PIK3CA: variants seen among roughly 807,000 people sequenced by gnomAD.
The protein encoded by PIK3CA is phosphatidylinositol-4,5-bisphosphate 3-kinase catalytic subunit alpha.
Under a neutral mutation model 138.2 loss-of-function variants are expected in PIK3CA, and 27 were observed. That is an observed-to-expected ratio of 0.20 (90% CI 0.14 to 0.27). The LOEUF is 0.27. Ranked by LOEUF, PIK3CA falls within the 10% of genes least tolerant of loss-of-function variation. The probability of loss-of-function intolerance (pLI) is 1.00; values close to 1 mark genes in which losing one functional copy is unlikely to be tolerated. For missense variants in PIK3CA, 544 were observed against 1,277.4 expected, an observed-to-expected ratio of 0.43 and a Z score of 8.75; for synonymous variants, 358 against 413.2, an observed-to-expected ratio of 0.87 and a Z score of 1.62.
intron 1 of PIK3CA, among the ~76,000 whole-genome samples, chr3:179,181,383 G>A (rs754854455): frequency 4.6e-5 from 7 of 151,706 alleles, no homozygotes; most frequent in Non-Finnish European, 1.0e-4. Flanking sequence ...TCATAAATAC[G>A]GCACTGTTAT....
At chr3:179,183,119 C>G (rs1723889982) in intron 1 of PIK3CA, among the ~76,000 whole-genome samples, 2 of 152,144 alleles carry the variant, frequency 1.3e-5, no homozygotes, top group Non-Finnish European at 2.9e-5. Context: ...TGAAATAGCC[C>G]TTTTGCCAGA....
chr3:179,211,973 A>G (rs930285487), intron 9 of PIK3CA, among the ~76,000 whole-genome samples: 1 of 152,106 alleles, frequency 6.6e-6, no homozygotes, highest in African/African-American at 2.4e-5. Flanking sequence ...TTTCAGACAG[A>G]CAACTAATCT....
At chr3:179,189,057 CA>C (rs146652911) in intron 1 of PIK3CA, among the ~76,000 whole-genome samples, 19,081 of 151,742 alleles carry the variant, frequency 0.13, 1,226 homozygotes, top group African/African-American at 0.14. Flanking sequence ...ACTAAAAATA[CA>C]AAAAAGTTAG....
intron 1 of PIK3CA, among the ~76,000 whole-genome samples, chr3:179,187,019 G>A (rs1723999066): frequency 6.6e-6 from 1 of 151,196 alleles, no homozygotes; most frequent in African/African-American, 2.4e-5. Context: ...CTATTTTTTA[G>A]TCATTTTATA....
chr3:179,200,148 A>G (rs2108388353), intron 3 of PIK3CA, among the ~76,000 whole-genome samples: 1 of 152,204 alleles, frequency 6.6e-6, no homozygotes, highest in South Asian at 2.1e-4. Context: ...CGGAAGAAGT[A>G]TGAGTTTGAA....
chr3:179,154,415 A>G (rs1723083545), intron 1 of PIK3CA, among the ~76,000 whole-genome samples: 1 of 148,890 alleles, frequency 6.7e-6, no homozygotes, highest in Admixed American at 6.7e-5. Flanking sequence ...CCTAATGAGA[A>G]TCTAATGCCT....
intron 9 of PIK3CA, among the ~76,000 whole-genome samples, chr3:179,211,452 C>T (rs1050523266): frequency 6.6e-5 from 10 of 152,140 alleles, no homozygotes; most frequent in African/African-American, 9.7e-5. Context: ...GGGTGAATCA[C>T]CTGAGGTCAG....
chr3:179,201,609 ATTTTT>A, intron 4 of PIK3CA, 69 bp downstream of exon 4: 6 of 762,264 alleles, frequency 7.9e-6, no homozygotes, highest in Non-Finnish European at 1.2e-5. Flanking sequence ...GAGTATCTGT[ATTTTT>A]TTTTTTTTTT....
rs1160930188 is a variant in PIK3CA, at chr3:179,234,151, C to T, written c.2994C>T (p.Phe998=). The change falls in exon 21 of 21, where the codon TTC becomes TTT. Residue 998 remains phenylalanine, a synonymous_variant. Transcript: ENST00000263967. This position sits in a 1 kb window ranked among gnomAD's most constrained non-coding sequence, Gnocchi z 5.1. The part of the protein sequence containing the change: ...YLAIRQHANL[F]INLFSMMLGS... Reference sequence around the variant, plus strand: ...CTATTCGACAGCATGCCAATCTCTTCATAAATCTTTTCTCAATGATGCTTG... The same window carrying T: ...CTATTCGACAGCATGCCAATCTCTTTATAAATCTTTTCTCAATGATGCTTG... The T allele has an allele frequency of 6.2e-7, 1 of 1,612,994 alleles. No homozygotes were observed. The highest frequency in any genetic ancestry group is 2.2e-5 in the East Asian group (1 of 44,848).
At position 179,230,429 on chromosome 3, in the gene PIK3CA, G is replaced by T; in HGVS notation, c.2936+53G>T. 7.1e-7 allele frequency: 1 copy of T among 1,411,296 alleles called. No homozygotes were observed. Among genetic ancestry groups the T allele is most frequent in the East Asian group, 2.3e-5 (1 of 43,530 alleles). 87.4% of individuals were successfully genotyped at this position (1,411,296 alleles called of 1,614,324 possible). A position where few individuals can be genotyped will look rare whatever the true frequency, so the allele number is the denominator to read the frequency against. On this transcript the variant is annotated intron_variant, in intron 20 of 20. Coordinates refer to ENST00000263967, the MANE Select transcript of PIK3CA (RefSeq NM_006218.4). The surrounding 1 kb of genome is among the most constrained non-coding windows in gnomAD (Gnocchi z 5.4). ...ATAAAGAGTTCTGGCTGCTCTATTA[G>T]AAACAATCAATATTTTTCAAGCAAT...
At chr3:179,224,612 C>A in intron 15 of PIK3CA, 88 bp from the exon 16 acceptor site, 1 of 808,394 alleles carries the variant, frequency 1.2e-6, no homozygotes, top group Non-Finnish European at 1.8e-6. Flanking sequence ...CTTCAAAAAG[C>A]TATATTGTAT....
Position 179,199,856 on chromosome 3 carries a change from T to C in PIK3CA, c.519T>C (p.Ser173=), listed in dbSNP as rs1576932506. The change falls in exon 3 of 21, where the codon TCT becomes TCC. Residue 173 remains serine, a synonymous_variant. Coordinates refer to ENST00000263967, the MANE Select transcript of PIK3CA (RefSeq NM_006218.4). The part of the protein sequence containing the change: ...AMYVYPPNVE[S]SPELPKHIYN... ...ATGTCTATCCTCCAAATGTAGAATC[T>C]TCACCAGAATTGCCAAAGCACATAT... is the stretch of plus-strand genomic sequence containing the variant. 1.2e-6 allele frequency: 2 copies of C among 1,612,370 alleles called. No individual in the cohort carries two copies. Among genetic ancestry groups the C allele is most frequent in the Non-Finnish European group, 1.7e-6 (2 of 1,178,546 alleles).
intron 1 of PIK3CA, among the ~76,000 whole-genome samples, chr3:179,169,479 A>G (rs770010899): frequency 8.5e-5 from 13 of 152,232 alleles, no homozygotes; most frequent in Middle Eastern, 3.4e-3. Flanking sequence ...GGAGCATTTT[A>G]AAGTTTTCTT....
chr3:179,208,571 A>G (rs1340383419), intron 6 of PIK3CA, among the ~76,000 whole-genome samples: 1 of 152,190 alleles, frequency 6.6e-6, no homozygotes, highest in Non-Finnish European at 1.5e-5. Flanking sequence ...TTCTGAGCCC[A>G]TACTCTTTAT....
intron 6 of PIK3CA, among the ~76,000 whole-genome samples, chr3:179,207,219 G>A (rs1241408702): frequency 1.3e-5 from 2 of 152,104 alleles, no homozygotes; most frequent in African/African-American, 4.8e-5. Context: ...TAAATTAGAT[G>A]CTTTATGATT....
intron 1 of PIK3CA, among the ~76,000 whole-genome samples, chr3:179,162,675 AAC>A (rs751639407): frequency 7.2e-5 from 11 of 152,198 alleles, no homozygotes; most frequent in Non-Finnish European, 1.0e-4. Context: ...ACGGGAAAAA[AAC>A]CCATTTAGAA....
intron 16 of PIK3CA, 25 bp from the exon 17 acceptor site, chr3:179,225,937 G>A (rs2108419315): frequency 8.2e-7 from 1 of 1,223,416 alleles, no homozygotes; most frequent in Non-Finnish European, 1.2e-6. Flanking sequence ...GCATTAAATG[G>A]TGATACATAT....
chr3:179,175,936 C>T lies in PIK3CA; in HGVS notation c.-76-22814C>T, dbSNP rs570775426. Among the ~76,000 whole-genome samples, 10 of 152,148 alleles carry T rather than the reference C, an allele frequency of 6.6e-5. 1 individual carries two copies. The South Asian group carries it at 1.2e-3, about 19-fold the overall frequency. On this transcript the variant is annotated intron_variant, in intron 1 of 20. Coordinates refer to ENST00000263967, the MANE Select transcript of PIK3CA (RefSeq NM_006218.4). The stretch of plus-strand genomic sequence containing the variant: ...TATTTAAAAGATGTGAAAAGCTGAC[C>T]GAAAGCTCTGGGTGTGAAGTCAGAG...
chr3:179,190,323 C>A, intron 1 of PIK3CA, among the ~76,000 whole-genome samples: 1 of 151,440 alleles, frequency 6.6e-6, no homozygotes, highest in East Asian at 1.9e-4. Flanking sequence ...CCCACCACCC[C>A]CAGCATAAAA....
Sources: allele counts gnomAD v4.1 joint callset (sites outside exome capture counted in the v4.1 genomes callset), GRCh38; gene constraint gnomAD v4.1.1; non-coding constraint Gnocchi (gnomAD v3.1); transcripts MANE v1.5; gene names NCBI Gene and HGNC (gene_info 2026-07-23, HGNC 2026-07-21).